The following PARD3B variants were observed in gnomAD, a reference collection of about 807,000 sequenced individuals.
PARD3B encodes par-3 family cell polarity regulator beta, also known as partitioning defective 3 homolog B.
A neutral mutation model predicts 130.2 loss-of-function variants in PARD3B; 103 were observed. The ratio of observed to expected loss-of-function variants is 0.79; its 90% CI spans 0.67 to 0.93. PARD3B has a LOEUF of 0.93. Among genes scored for constraint, PARD3B ranks in the 40% least tolerant of loss-of-function variants. The pLI is 0.00. For missense variants in PARD3B, 1,609 were observed against 1,499.2 expected (o/e 1.07, Z -1.21); for synonymous variants, 583 against 553.2 (o/e 1.05, Z -0.76).
chr2:205,514,335 G>A (rs753953965), intron 21 of PARD3B, among the ~76,000 whole-genome samples: 9 of 152,078 alleles, frequency 5.9e-5, no homozygotes, highest in Admixed American at 1.3e-4. Context: ...ACACACTTAC[G>A]TTTGGTCATG....
chr2:205,416,813 T>C (rs2046792070), intron 19 of PARD3B, among the ~76,000 whole-genome samples: 1 of 152,116 alleles, frequency 6.6e-6, no homozygotes, highest in Non-Finnish European at 1.5e-5. Context: ...GATTTCTTGG[T>C]CTTCTTACAA....
intron 18 of PARD3B, among the ~76,000 whole-genome samples, chr2:205,377,908 C>G (rs1032742481): frequency 2.1e-4 from 32 of 151,786 alleles, no homozygotes; most frequent in African/African-American, 7.5e-4. Flanking sequence ...GTAGCTGGGA[C>G]TGCAGCCACG....
chr2:204,698,261 G>A (rs1469948018), intron 2 of PARD3B, among the ~76,000 whole-genome samples: 1 of 151,994 alleles, frequency 6.6e-6, no homozygotes, highest in African/African-American at 2.4e-5. Flanking sequence ...CATTTGATTA[G>A]GACATATTTG....
rs548253577 is a variant in PARD3B at position 205,444,518 on chromosome 2, T to C, written c.3044+3846T>C. Among the ~76,000 whole-genome samples the C allele has an allele frequency of 5.3e-5, 8 of 152,326 alleles. No individual in the cohort carries two copies. The South Asian group carries it at 1.7e-3, about 32-fold the overall frequency. ...AGGGTATTTTTCCTGGACTCCAGAATGATGCGTGGTAGCAAGTGTGTAGTG... is the reference window on the plus strand; with the variant it reads ...AGGGTATTTTTCCTGGACTCCAGAACGATGCGTGGTAGCAAGTGTGTAGTG... On this transcript the variant is annotated intron_variant, in intron 20 of 22. Transcript: ENST00000406610.
At chr2:205,361,470 C>G (rs1023756782) in intron 18 of PARD3B, among the ~76,000 whole-genome samples, 4 of 152,118 alleles carry the variant, frequency 2.6e-5, no homozygotes, top group African/African-American at 9.7e-5. Flanking sequence ...TCTCTCTAAC[C>G]CCACCCTTTT....
chr2:205,513,758 T>A (rs573201559), intron 21 of PARD3B, among the ~76,000 whole-genome samples: 1 of 152,174 alleles, frequency 6.6e-6, no homozygotes, highest in South Asian at 2.1e-4. Flanking sequence ...CGAAAGTGAA[T>A]AAGGGGTTCA....
chr2:205,508,933 T>G (rs1467900831), intron 21 of PARD3B, among the ~76,000 whole-genome samples: 1 of 151,960 alleles, frequency 6.6e-6, no homozygotes, highest in Non-Finnish European at 1.5e-5. Flanking sequence ...GAAAAAAAAT[T>G]GAGAAAAGAA....
At chr2:205,053,321 G>C (rs1250477370) in intron 4 of PARD3B, among the ~76,000 whole-genome samples, 2 of 151,788 alleles carry the variant, frequency 1.3e-5, no homozygotes, top group South Asian at 2.1e-4. Context: ...GAGGACTTTT[G>C]GTTGCAGGTT....
chr2:205,387,913 G>A (rs1197273362), intron 18 of PARD3B, among the ~76,000 whole-genome samples: 1 of 152,166 alleles, frequency 6.6e-6, no homozygotes, highest in Admixed American at 6.5e-5. Flanking sequence ...ATGCATTATG[G>A]CAGATTATGA....
At chr2:204,692,595 C>T (rs761775063) in intron 2 of PARD3B, among the ~76,000 whole-genome samples, 2 of 151,702 alleles carry the variant, frequency 1.3e-5, no homozygotes, top group Non-Finnish European at 2.9e-5. Flanking sequence ...TATTTTAAAG[C>T]CACAATTAAA....
intron 14 of PARD3B, among the ~76,000 whole-genome samples, chr2:205,192,175 T>G (rs111589554): frequency 0.037 from 5,586 of 152,268 alleles, 275 homozygotes; most frequent in African/African-American, 0.11. Flanking sequence ...ATTAAACTTA[T>G]TTTGGTATTT....
intron 2 of PARD3B, among the ~76,000 whole-genome samples, chr2:204,773,799 T>C (rs550710305): frequency 3.3e-5 from 5 of 152,200 alleles, no homozygotes; most frequent in Admixed American, 3.3e-4. Flanking sequence ...TCCTCTTCTC[T>C]TCCACGTACC....
intron 22 of PARD3B, among the ~76,000 whole-genome samples, chr2:205,561,091 T>C (rs2053116938): frequency 6.6e-6 from 1 of 152,208 alleles, no homozygotes; most frequent in South Asian, 2.1e-4. Context: ...TCTACTATCT[T>C]TGGTTATCCC....
chr2:204,779,116 T>C (rs981184901), intron 2 of PARD3B, among the ~76,000 whole-genome samples: 1 of 152,160 alleles, frequency 6.6e-6, no homozygotes, highest in Non-Finnish European at 1.5e-5. Flanking sequence ...CCTGTCCTCT[T>C]CATGGGGTCA....
rs1703156665 is a variant in PARD3B at position 205,105,740 on chromosome 2, C to A, written c.593+1226C>A. Among the ~76,000 whole-genome samples the A allele has an allele frequency of 6.6e-6, 1 of 151,494 alleles. No homozygotes were observed. The highest frequency in any genetic ancestry group is 2.4e-5 in the African/African-American group (1 of 41,184). The stretch of plus-strand genomic sequence containing the variant: ...ATCACTTGAGTGCAGGAGTTCGAGT[C>A]CATCTTGCAACATAGGGAGACCCTC... On this transcript the variant is annotated intron_variant, in intron 5 of 22. Coordinates refer to ENST00000406610, the MANE Select transcript of PARD3B (RefSeq NM_001302769.2). This position sits in a 1 kb window ranked among gnomAD's most constrained non-coding sequence, Gnocchi z 4.0.
At chr2:205,055,507 A>T (rs1699575419) in intron 4 of PARD3B, among the ~76,000 whole-genome samples, 1 of 152,234 alleles carries the variant, frequency 6.6e-6, no homozygotes, top group African/African-American at 2.4e-5. Context: ...TGATGTTTAA[A>T]GTAGTTTTAT....
intron 2 of PARD3B, among the ~76,000 whole-genome samples, chr2:204,924,349 T>A (rs556199814): frequency 2.7e-4 from 41 of 152,222 alleles, no homozygotes; most frequent in Admixed American, 5.2e-4. Flanking sequence ...ACATTGATTA[T>A]AACATTGGTA....
At chr2:205,096,846 G>C (rs1362429678) in intron 4 of PARD3B, among the ~76,000 whole-genome samples, 2 of 152,126 alleles carry the variant, frequency 1.3e-5, no homozygotes, top group Non-Finnish European at 2.9e-5. Flanking sequence ...GCAATTATTA[G>C]AGCATAATCT....
intron 2 of PARD3B, among the ~76,000 whole-genome samples, chr2:204,910,534 A>ACTC (rs2047194641): frequency 6.6e-6 from 1 of 152,254 alleles, no homozygotes; most frequent in East Asian, 1.9e-4. Context: ...CTGAAAAAAG[A>ACTC]ATAAAAAGTT....
Sources: gnomAD v4.1 joint callset for allele counts (sites outside exome capture counted in the v4.1 genomes callset) on GRCh38, gnomAD v4.1.1 for gene constraint, Gnocchi (gnomAD v3.1) non-coding constraint, MANE v1.5 for transcripts, NCBI Gene and HGNC (gene_info 2026-07-23, HGNC 2026-07-21) for gene names.